Variants in CSMD1 observed in about 807,000 individuals in gnomAD.
CSMD1 encodes CUB and Sushi multiple domains 1.
A neutral mutation model predicts 417.5 loss-of-function variants in CSMD1; 213 were observed. The ratio of observed to expected loss-of-function variants is 0.51; its 90% CI spans 0.46 to 0.57. The LOEUF is 0.57. Among genes scored for constraint, CSMD1 ranks in the 20% least tolerant of loss-of-function variants. CSMD1 has a pLI of 0.00. For missense variants in CSMD1, 6,923 were observed against 4,529.7 expected (o/e 1.53, Z -15.17); for synonymous variants, 2,862 against 1,736.8 (o/e 1.65, Z -16.11).
chr8:4,195,849 C>T (rs939126578), intron 3 of CSMD1, among the ~76,000 whole-genome samples: 1 of 152,082 alleles, frequency 6.6e-6, no homozygotes, highest in African/African-American at 2.4e-5. Context: ...GGAATTAACG[C>T]CTTGATCATA....
At chr8:3,641,424 C>T (rs1470522011) in intron 7 of CSMD1, among the ~76,000 whole-genome samples, 1 of 152,142 alleles carries the variant, frequency 6.6e-6, no homozygotes, top group Non-Finnish European at 1.5e-5. Context: ...TTGGGTTCTT[C>T]TTATAACCCA....
intron 25 of CSMD1, among the ~76,000 whole-genome samples, chr8:3,290,505 C>G (rs1331227746): frequency 6.9e-6 from 1 of 144,310 alleles, no homozygotes. Context: ...TTTCCTTGAG[C>G]AGTGGTTTGT....
At chr8:3,746,125 C>A (rs1332376086) in intron 6 of CSMD1, among the ~76,000 whole-genome samples, 2 of 152,170 alleles carry the variant, frequency 1.3e-5, no homozygotes, top group Non-Finnish European at 2.9e-5. Context: ...AACGATATTG[C>A]CTGCATGAGA....
chr8:4,609,341 T>C (rs530338110), intron 2 of CSMD1, among the ~76,000 whole-genome samples: 16 of 152,108 alleles, frequency 1.1e-4, no homozygotes, highest in Non-Finnish European at 2.1e-4. Context: ...GCAGAGGTTG[T>C]AGTGAGCCGA....
chr8:4,717,519 T>G (rs532217137), intron 1 of CSMD1, among the ~76,000 whole-genome samples: 2 of 151,192 alleles, frequency 1.3e-5, no homozygotes, highest in East Asian at 3.9e-4. Flanking sequence ...AAGATTCAGT[T>G]ACAAACCTAT....
At chr8:4,545,814 A>G (rs1300636061) in intron 2 of CSMD1, among the ~76,000 whole-genome samples, 2 of 152,224 alleles carry the variant, frequency 1.3e-5, no homozygotes, top group Admixed American at 6.5e-5. Context: ...AAACTAGCTC[A>G]TCATCTAGGC....
intron 1 of CSMD1, among the ~76,000 whole-genome samples, chr8:4,689,313 T>C (rs140804756): frequency 6.6e-6 from 1 of 152,354 alleles, no homozygotes; most frequent in Non-Finnish European, 1.5e-5. Context: ...ATTTGGGTTT[T>C]GCTAGTCAAA....
intron 5 of CSMD1, among the ~76,000 whole-genome samples, chr8:3,941,630 T>A (rs1810890166): frequency 1.3e-5 from 2 of 152,296 alleles, no homozygotes; most frequent in South Asian, 4.1e-4. Flanking sequence ...TAAGACTTAA[T>A]GAAAAAAATT....
chr8:4,494,681 T>TA (rs1156721218), intron 2 of CSMD1, among the ~76,000 whole-genome samples: 21 of 150,214 alleles, frequency 1.4e-4, no homozygotes, highest in Admixed American at 3.3e-4. Context: ...TTCCTGCCAT[T>TA]AAAAAAAAAG....
intron 1 of CSMD1, among the ~76,000 whole-genome samples, chr8:4,922,439 A>C (rs1317622039): frequency 2.6e-5 from 4 of 152,252 alleles, no homozygotes; most frequent in African/African-American, 9.6e-5. Context: ...AATGATATTT[A>C]GCAATAAGAA....
At chr8:4,582,380 G>A (rs115282250) in intron 2 of CSMD1, among the ~76,000 whole-genome samples, 6,326 of 152,228 alleles carry the variant, frequency 0.042, 224 homozygotes, top group Middle Eastern at 0.12. Flanking sequence ...TTGTTTTGAG[G>A]ACAAAGGAGA....
At chr8:3,949,171 G>C (rs534496681) in intron 5 of CSMD1, among the ~76,000 whole-genome samples, 1 of 152,150 alleles carries the variant, frequency 6.6e-6, no homozygotes, top group African/African-American at 2.4e-5. Flanking sequence ...ATTAACATAT[G>C]CATTGCTTTA....
chr8:3,779,439 A>T (rs1405346346), intron 5 of CSMD1, among the ~76,000 whole-genome samples: 3 of 152,158 alleles, frequency 2.0e-5, no homozygotes, highest in Non-Finnish European at 4.4e-5. Context: ...AGATCGTTTA[A>T]GTTGTCATTT....
intron 3 of CSMD1, among the ~76,000 whole-genome samples, chr8:4,214,556 C>A (rs1800518062): frequency 6.6e-6 from 1 of 152,150 alleles, no homozygotes; most frequent in African/African-American, 2.4e-5. Context: ...ACTTGGCCTC[C>A]CAAAGTGCTG....
intron 1 of CSMD1, among the ~76,000 whole-genome samples, chr8:4,925,424 C>T (rs550691789): frequency 2.6e-5 from 4 of 151,808 alleles, no homozygotes; most frequent in African/African-American, 9.7e-5. Flanking sequence ...ATATACCTTT[C>T]CTACAGAACT....
intron 3 of CSMD1, among the ~76,000 whole-genome samples, chr8:4,048,108 C>T (rs1172134294): frequency 2.6e-5 from 4 of 152,144 alleles, no homozygotes; most frequent in East Asian, 1.9e-4. Flanking sequence ...GGGTAGACCC[C>T]GACTGATTTC....
At chr8:3,731,543 G>C (rs977678987) in intron 6 of CSMD1, among the ~76,000 whole-genome samples, 1 of 152,138 alleles carries the variant, frequency 6.6e-6, no homozygotes. Flanking sequence ...GTATGGCTGG[G>C]GTGATTTGAT....
chr8:3,408,039 C>G lies in CSMD1; in HGVS notation c.1931G>C (p.Gly644Ala). The change falls in exon 14 of 70, where the codon GGC becomes GCC. Residue 644 changes from glycine (G) to alanine (A), a missense_variant. Physicochemically the swap from Gly to Ala is moderately conservative, Grantham distance 60 (BLOSUM62 0). Transcript: ENST00000635120. ...QFDFLAVKDDGISDITVLGTF... is the reference protein window; with the variant it reads ...QFDFLAVKDDAISDITVLGTF... ...ACCCAGGACAGTTATGTCAGAAATG[C>G]CATCATCCTTGACCGCGAGAAAGTC... 1.9e-6 allele frequency: 3 copies of G among 1,613,890 alleles called. No homozygotes were observed. Among genetic ancestry groups the G allele is most frequent in the Non-Finnish European group, 2.5e-6 (3 of 1,179,878 alleles).
intron 2 of CSMD1, among the ~76,000 whole-genome samples, chr8:4,597,401 A>C (rs2617093): frequency 6.6e-6 from 1 of 152,110 alleles, no homozygotes; most frequent in African/African-American, 2.4e-5. Context: ...ACCAAGGTTA[A>C]ATATCCATCC....
Sources: allele counts gnomAD v4.1 joint callset (sites outside exome capture counted in the v4.1 genomes callset), GRCh38; gene constraint gnomAD v4.1.1; transcripts MANE v1.5; gene names NCBI Gene and HGNC (gene_info 2026-07-23, HGNC 2026-07-21).